KCNT2: variants seen among roughly 807,000 people sequenced by gnomAD.
KCNT2 encodes potassium sodium-activated channel subfamily T member 2.
Under a neutral mutation model 153.8 loss-of-function variants are expected in KCNT2, and 67 were observed. The observed-to-expected ratio is 0.44, with a 90% CI of 0.36 to 0.53. The LOEUF is 0.53. Ranked by LOEUF, KCNT2 falls within the 20% of genes least tolerant of loss-of-function variation. The pLI is 0.00. For synonymous variants in KCNT2, 500 were observed against 458.8 expected (o/e 1.09, Z -1.15); for missense variants, 975 against 1,354.8 (o/e 0.72, Z 4.40).
chr1:196,560,273 C>T (rs1002030364), intron 1 of KCNT2, among the ~76,000 whole-genome samples: 6 of 151,668 alleles, frequency 4.0e-5, no homozygotes, highest in South Asian at 2.1e-4. Flanking sequence ...GTAAAGGGAA[C>T]GGTGAAGCAG....
chr1:196,544,520 C>A (rs561155465), intron 1 of KCNT2, among the ~76,000 whole-genome samples: 3 of 152,040 alleles, frequency 2.0e-5, no homozygotes, highest in Non-Finnish European at 4.4e-5. Flanking sequence ...ATATATACTT[C>A]AACTTCTAAT....
chr1:196,428,349 A>C (rs2148538305), intron 9 of KCNT2, 80 bp from the exon 10 acceptor site: 2 of 995,534 alleles, frequency 2.0e-6, no homozygotes, highest in Non-Finnish European at 3.0e-6. Context: ...ATTGTTTATT[A>C]GGTATTTTCA....
At chr1:196,342,296 G>C (rs527263104) in intron 14 of KCNT2, 68 bp from the exon 15 acceptor site, 1 of 1,406,168 alleles carries the variant, frequency 7.1e-7, no homozygotes, top group South Asian at 1.3e-5. Flanking sequence ...TTAAAAAACA[G>C]TTGTTATAGA....
At chr1:196,348,924 T>C (rs2148200361) in intron 14 of KCNT2, among the ~76,000 whole-genome samples, 1 of 151,950 alleles carries the variant, frequency 6.6e-6, no homozygotes, top group East Asian at 1.9e-4. Flanking sequence ...ATGCCTGTAA[T>C]CCCAGCTACT....
chr1:196,548,704 A>T (rs569286247), intron 1 of KCNT2, among the ~76,000 whole-genome samples: 1 of 152,186 alleles, frequency 6.6e-6, no homozygotes, highest in Non-Finnish European at 1.5e-5. Flanking sequence ...ACACATGCAC[A>T]CGTATGTTTA....
intron 1 of KCNT2, among the ~76,000 whole-genome samples, chr1:196,505,733 A>G (rs1027745591): frequency 2.6e-5 from 4 of 151,854 alleles, no homozygotes; most frequent in African/African-American, 7.3e-5. Flanking sequence ...ATGTTCTTCC[A>G]TTTCTTTGTA....
intron 8 of KCNT2, among the ~76,000 whole-genome samples, chr1:196,438,268 A>G (rs888395243): frequency 6.6e-6 from 1 of 151,882 alleles, no homozygotes; most frequent in South Asian, 2.1e-4. Context: ...TTACAAAAAA[A>G]TAAAATATTA....
intron 8 of KCNT2, among the ~76,000 whole-genome samples, chr1:196,455,383 GT>G (rs1278625497): frequency 2.0e-5 from 3 of 151,908 alleles, no homozygotes; most frequent in African/African-American, 7.2e-5. Context: ...TTAATCTTTT[GT>G]TTTCCTACCG....
At chr1:196,361,975 T>C (rs888410864) in intron 14 of KCNT2, among the ~76,000 whole-genome samples, 6 of 151,960 alleles carry the variant, frequency 3.9e-5, no homozygotes, top group African/African-American at 1.4e-4. Context: ...TCCTCACTGG[T>C]ACTCTATTTT....
At chr1:196,523,250 T>A (rs548668304) in intron 1 of KCNT2, among the ~76,000 whole-genome samples, 1 of 152,028 alleles carries the variant, frequency 6.6e-6, no homozygotes, top group East Asian at 1.9e-4. Flanking sequence ...AGGAAGAAAC[T>A]CCAGACACAT....
intron 1 of KCNT2, among the ~76,000 whole-genome samples, chr1:196,513,973 G>T (rs1681848075): frequency 6.6e-6 from 1 of 152,136 alleles, no homozygotes. Flanking sequence ...CAAGAATAAT[G>T]AACACAAATA....
chr1:196,388,585 A>G (rs953801757), intron 13 of KCNT2, among the ~76,000 whole-genome samples: 11 of 151,596 alleles, frequency 7.3e-5, no homozygotes, highest in African/African-American at 2.7e-4. Context: ...CAATGTTTAT[A>G]GTTTCTTTAT....
chr1:196,313,035 T>C (rs868242763), intron 21 of KCNT2, among the ~76,000 whole-genome samples: 1 of 151,226 alleles, frequency 6.6e-6, no homozygotes, highest in Non-Finnish European at 1.5e-5. Flanking sequence ...AGGGAGAGAG[T>C]TGAGATCAGT....
Position 196,244,210 on chromosome 1 carries a change from G to C in KCNT2, c.3212-8140C>G, listed in dbSNP as rs138151142. On this transcript the variant is annotated intron_variant, in intron 26 of 27. Coordinates refer to ENST00000294725, the MANE Select transcript of KCNT2 (RefSeq NM_198503.5). ...CTGTGATACCCAGGCAGTACTTGCT[G>C]TGGGCCTTAAGTGAGACTCAGAGAT... 3.9e-5 allele frequency among the ~76,000 whole-genome samples: 6 copies of C among 152,288 alleles called. No individual in the cohort carries two copies. In the East Asian group the frequency reaches 1.2e-3, roughly 29 times the overall value.
intron 21 of KCNT2, among the ~76,000 whole-genome samples, chr1:196,314,090 T>G (rs1662465342): frequency 6.6e-6 from 1 of 151,590 alleles, no homozygotes; most frequent in East Asian, 1.9e-4. Context: ...AATTACTAAT[T>G]ACAGCCTTTG....
intron 1 of KCNT2, among the ~76,000 whole-genome samples, chr1:196,517,127 C>T (rs565307394): frequency 6.6e-6 from 1 of 152,140 alleles, no homozygotes; most frequent in African/African-American, 2.4e-5. Flanking sequence ...AGAGGCTGGT[C>T]CAGACCCCCA....
chr1:196,382,106 T>TATTTATTTATTTATTTATTC (rs1320704757), intron 13 of KCNT2, among the ~76,000 whole-genome samples: 1 of 151,390 alleles, frequency 6.6e-6, no homozygotes, highest in South Asian at 2.1e-4. Flanking sequence ...TTTATTTATT[T>TATTTATTTATTTATTTATTC]ATTTATTTTT....
At chr1:196,473,674 C>G (rs1678284119) in intron 5 of KCNT2, among the ~76,000 whole-genome samples, 1 of 152,042 alleles carries the variant, frequency 6.6e-6, no homozygotes, top group Admixed American at 6.6e-5. Context: ...AGGTTGTCTT[C>G]TAAACTATGA....
chr1:196,425,893 A>G lies in KCNT2; in HGVS notation c.1080T>C (p.Leu360=), dbSNP rs74382287. 3,005 of 1,612,572 alleles carry G rather than the reference A, an allele frequency of 1.9e-3. 5 individuals are homozygous for G. The highest frequency in any genetic ancestry group is 2.3e-3 in the Non-Finnish European group (2,758 of 1,179,006). ...CTTGATCTTTAAGGGCTGAACCTTG[A>G]AGGTAGATAACTCGTTGGGACCACA... ...IPMWSQRVIY[L]QGSALKDQDL... The change falls in exon 11 of 28, where the codon CTT becomes CTC. Residue 360 remains leucine, a synonymous_variant. Coordinates refer to ENST00000294725, the MANE Select transcript of KCNT2 (RefSeq NM_198503.5).
Sources: allele counts gnomAD v4.1 joint callset (sites outside exome capture counted in the v4.1 genomes callset), GRCh38; gene constraint gnomAD v4.1.1; transcripts MANE v1.5; gene names NCBI Gene and HGNC (gene_info 2026-07-23, HGNC 2026-07-21).